The following RAB27B variants were observed in gnomAD, a reference collection of about 807,000 sequenced individuals.
RAB27B encodes the protein ras-related protein Rab-27B.
A neutral mutation model predicts 24.6 loss-of-function variants in RAB27B; 15 were observed. The ratio of observed to expected loss-of-function variants is 0.61; its 90% confidence interval spans 0.41 to 0.94. RAB27B has a LOEUF of 0.94. Among genes scored for constraint, RAB27B ranks in the 40% least tolerant of loss-of-function variants. The pLI is 0.00. For synonymous variants in RAB27B, 105 were observed against 92.5 expected (o/e 1.14, Z -0.78); for missense variants, 261 against 266.8 (o/e 0.98, Z 0.15).
At chr18:54,866,592 C>T (rs1415349144) in intron 1 of RAB27B, among the ~76,000 whole-genome samples, 2 of 152,236 alleles carry the variant, frequency 1.3e-5, no homozygotes, top group African/African-American at 4.8e-5. Context: ...CCCACTGCGC[C>T]CGGCAGGGAT....
intron 3 of RAB27B, chr18:54,879,772 G>A (rs1021310504): frequency 3.4e-5 from 8 of 233,236 alleles, no homozygotes; most frequent in East Asian, 1.8e-4. Context: ...AATTAACGCC[G>A]TTATAAGTGC....
At chr18:54,758,475 A>C (rs1415123305) in intron 2 of RAB27B, among the ~76,000 whole-genome samples, 1 of 152,206 alleles carries the variant, frequency 6.6e-6, no homozygotes, top group Non-Finnish European at 1.5e-5. Context: ...TGTTTTAAAC[A>C]AAATGTTAAG....
chr18:54,804,869 T>TTTC, intron 2 of RAB27B, among the ~76,000 whole-genome samples: 1 of 130,968 alleles, frequency 7.6e-6, no homozygotes, highest in African/African-American at 2.9e-5. Context: ...TCCTTTCTTT[T>TTTC]TTTCTTTTTT....
intron 1 of RAB27B, among the ~76,000 whole-genome samples, chr18:54,862,869 TG>T (rs1912061245): frequency 6.6e-6 from 1 of 152,238 alleles, no homozygotes; most frequent in Non-Finnish European, 1.5e-5. Context: ...GTTGGAACTT[TG>T]TCAAATAACA....
chr18:54,742,836 T>TTGA, intron 2 of RAB27B, among the ~76,000 whole-genome samples: 1 of 152,330 alleles, frequency 6.6e-6, no homozygotes, highest in Middle Eastern at 3.4e-3. Context: ...TCCCAGGACC[T>TTGA]TGATAATAGG....
chr18:54,728,922 A>AC, intron 2 of RAB27B, among the ~76,000 whole-genome samples: 1 of 146,970 alleles, frequency 6.8e-6, no homozygotes, highest in Non-Finnish European at 1.5e-5. Flanking sequence ...AAAAAAAAAA[A>AC]ACCACCACCA....
intron 1 of RAB27B, among the ~76,000 whole-genome samples, chr18:54,875,282 A>T (rs1912647373): frequency 2.0e-5 from 3 of 152,202 alleles, no homozygotes. Context: ...AGCCCTGATC[A>T]TGCCACTGCA....
intron 1 of RAB27B, among the ~76,000 whole-genome samples, chr18:54,865,391 A>T (rs1912176794): frequency 6.6e-6 from 1 of 152,180 alleles, no homozygotes. Flanking sequence ...TGGGGAAATA[A>T]CCATGAAATT....
chr18:54,754,386 T>G (rs1047411800), intron 2 of RAB27B, among the ~76,000 whole-genome samples: 4 of 152,192 alleles, frequency 2.6e-5, no homozygotes, highest in Admixed American at 6.5e-5. Flanking sequence ...AGGTAGTATC[T>G]TTATAGCGGT....
intron 1 of RAB27B, among the ~76,000 whole-genome samples, chr18:54,858,003 T>C (rs1244892782): frequency 1.3e-5 from 2 of 152,252 alleles, no homozygotes; most frequent in African/African-American, 4.8e-5. Flanking sequence ...TTTCAGATGA[T>C]GTTGGAAGAT....
chr18:54,889,058 C>T (rs1430118810), intron 5 of RAB27B, among the ~76,000 whole-genome samples, 166 bp from the exon 6 acceptor site: 1 of 152,110 alleles, frequency 6.6e-6, no homozygotes, highest in African/African-American at 2.4e-5. Context: ...CCAATTTTTA[C>T]TCACTGAGGA....
At chr18:54,744,069 T>C (rs1910155797) in intron 2 of RAB27B, among the ~76,000 whole-genome samples, 1 of 152,210 alleles carries the variant, frequency 6.6e-6, no homozygotes, top group African/African-American at 2.4e-5. Context: ...CTTTTTACCA[T>C]TGTACTAACT....
chr18:54,771,410 T>C (rs1489873169), intron 2 of RAB27B, among the ~76,000 whole-genome samples: 1 of 152,108 alleles, frequency 6.6e-6, no homozygotes, highest in Non-Finnish European at 1.5e-5. Flanking sequence ...ATCTGTGCCA[T>C]TCATGATGAG....
intron 1 of RAB27B, among the ~76,000 whole-genome samples, chr18:54,840,661 T>C (rs992768397): frequency 1.3e-5 from 2 of 152,204 alleles, no homozygotes; most frequent in Non-Finnish European, 2.9e-5. Flanking sequence ...TGATCCATAG[T>C]TCTGAAAATA....
intron 2 of RAB27B, among the ~76,000 whole-genome samples, chr18:54,792,428 T>A (rs1909279660): frequency 6.6e-6 from 1 of 152,244 alleles, no homozygotes. Context: ...TAACTTTGTG[T>A]GCCACGCGCC....
intron 2 of RAB27B, among the ~76,000 whole-genome samples, chr18:54,769,459 T>G (rs1908474513): frequency 4.6e-5 from 2 of 43,434 alleles, no homozygotes; most frequent in South Asian, 1.5e-3. Flanking sequence ...GTTTTTTTGT[T>G]GTTGTTGTTG....
At chr18:54,749,726 A>C (rs975924805) in intron 2 of RAB27B, among the ~76,000 whole-genome samples, 11 of 152,210 alleles carry the variant, frequency 7.2e-5, no homozygotes, top group Non-Finnish European at 1.0e-4. Context: ...TTAGCGACTT[A>C]TCTTGAGATA....
chr18:54,773,674 CT>C (rs372773293), intron 2 of RAB27B, among the ~76,000 whole-genome samples: 7,078 of 143,862 alleles, frequency 0.049, 210 homozygotes, highest in South Asian at 0.089. Flanking sequence ...AATCTACTTT[CT>C]TTTTTTTTTT....
intron 1 of RAB27B, among the ~76,000 whole-genome samples, chr18:54,844,406 TTC>T (rs776802093): frequency 7.7e-3 from 593 of 77,214 alleles, no homozygotes; most frequent in Admixed American, 0.011. Context: ...TTCTTTTCTT[TTC>T]TTTTTTTTTT....
Sources: allele counts gnomAD v4.1 joint callset (sites outside exome capture counted in the v4.1 genomes callset), GRCh38; gene constraint gnomAD v4.1.1; transcripts MANE v1.5; gene names NCBI Gene and HGNC (gene_info 2026-07-23, HGNC 2026-07-21).